The following SLC39A8 variants were observed in gnomAD, a reference collection of about 807,000 sequenced individuals.
SLC39A8 encodes metal cation symporter ZIP8.
A neutral mutation model predicts 40.4 loss-of-function variants in SLC39A8; 15 were observed. The observed-to-expected ratio is 0.37, with a 90% CI of 0.25 to 0.57. SLC39A8 has a LOEUF of 0.57. Ranked by LOEUF, SLC39A8 falls within the 20% of genes least tolerant of loss-of-function variation. The pLI is 0.75. For synonymous variants in SLC39A8, 223 were observed against 221.6 expected, an observed-to-expected ratio of 1.01 and a Z score of -0.06; for missense variants, 472 against 558.8, an observed-to-expected ratio of 0.84 and a Z score of 1.57.
chr4:102,316,880 G>A lies in SLC39A8; in HGVS notation c.220-1050C>T, dbSNP rs138053441. ...TGAAGTTGGGGCCCTGGTCCAGTGGGATTAGTGCACTTATAAAAAGAGACA... is the reference window on the plus strand; with the variant it reads ...TGAAGTTGGGGCCCTGGTCCAGTGGAATTAGTGCACTTATAAAAAGAGACA... On this transcript the variant is annotated intron_variant, in intron 2 of 8. Transcript: ENST00000356736. Among the ~76,000 whole-genome samples the A allele has an allele frequency of 3.4e-3, 519 of 152,216 alleles. 1 individual carries two copies. Among genetic ancestry groups the A allele is most frequent in the Middle Eastern group, 0.01 (3 of 294 alleles).
At chr4:102,274,063 TCA>T (rs1480208678) in intron 6 of SLC39A8, among the ~76,000 whole-genome samples, 1 of 152,030 alleles carries the variant, frequency 6.6e-6, no homozygotes, top group Non-Finnish European at 1.5e-5. Context: ...TCACAACTCC[TCA>T]CCAGCAAGGG....
At chr4:102,279,941 T>A (rs1187408841) in intron 6 of SLC39A8, among the ~76,000 whole-genome samples, 1 of 152,176 alleles carries the variant, frequency 6.6e-6, no homozygotes, top group Non-Finnish European at 1.5e-5. Flanking sequence ...TCCCTCCAGA[T>A]CCGCTTTCCG....
intron 6 of SLC39A8, among the ~76,000 whole-genome samples, chr4:102,299,633 C>G (rs755363479): frequency 3.9e-5 from 6 of 152,074 alleles, no homozygotes; most frequent in Admixed American, 6.6e-5. Flanking sequence ...AAGAAAATCT[C>G]CCTAACATCT....
chr4:102,303,396 T>C (rs1161728505), intron 6 of SLC39A8, among the ~76,000 whole-genome samples: 2 of 151,940 alleles, frequency 1.3e-5, no homozygotes, highest in African/African-American at 4.8e-5. Context: ...GATCATCTAA[T>C]TCAAGCTGAA....
At chr4:102,273,442 C>A (rs1274457019) in intron 6 of SLC39A8, among the ~76,000 whole-genome samples, 2 of 152,216 alleles carry the variant, frequency 1.3e-5, no homozygotes, top group Non-Finnish European at 2.9e-5. Context: ...GGCAGCCGCC[C>A]CAGTGAGAAG....
At chr4:102,343,319 T>C (rs1261922274) in intron 2 of SLC39A8, among the ~76,000 whole-genome samples, 1 of 152,208 alleles carries the variant, frequency 6.6e-6, no homozygotes, top group Non-Finnish European at 1.5e-5. Flanking sequence ...ACATGGAATT[T>C]ATTTGATTAC....
chr4:102,268,527 A>C (rs961901876), intron 6 of SLC39A8, among the ~76,000 whole-genome samples: 1 of 152,254 alleles, frequency 6.6e-6, no homozygotes, highest in African/African-American at 2.4e-5. Flanking sequence ...CATTTGTTCT[A>C]ACCCCTCCTA....
At chr4:102,299,280 GT>G (rs1024902592) in intron 6 of SLC39A8, among the ~76,000 whole-genome samples, 1 of 148,574 alleles carries the variant, frequency 6.7e-6, no homozygotes, top group African/African-American at 2.5e-5. Flanking sequence ...CTTCCAGTCA[GT>G]TTTTTTTGTA....
At chr4:102,342,578 A>C (rs570091857) in intron 2 of SLC39A8, among the ~76,000 whole-genome samples, 9 of 152,250 alleles carry the variant, frequency 5.9e-5, no homozygotes. Flanking sequence ...TTTTCTTTCC[A>C]AGGTAATTAT....
chr4:102,293,495 A>T (rs564538530), intron 6 of SLC39A8, among the ~76,000 whole-genome samples: 84 of 152,130 alleles, frequency 5.5e-4, no homozygotes, highest in Non-Finnish European at 9.7e-4. Flanking sequence ...TAAACAAACA[A>T]AACAATACTG....
chr4:102,282,868 A>G (rs1732961830), intron 6 of SLC39A8, among the ~76,000 whole-genome samples: 1 of 152,194 alleles, frequency 6.6e-6, no homozygotes, highest in Non-Finnish European at 1.5e-5. Context: ...CTGGGACTAC[A>G]GGTGCGTGCC....
At chr4:102,270,961 G>A (rs964542008) in intron 6 of SLC39A8, among the ~76,000 whole-genome samples, 2 of 152,072 alleles carry the variant, frequency 1.3e-5, no homozygotes, top group African/African-American at 2.4e-5. Context: ...AAGGAAGGAG[G>A]AGAAAGTTGT....
chr4:102,319,573 C>A (rs1734814743), intron 2 of SLC39A8, among the ~76,000 whole-genome samples: 1 of 152,080 alleles, frequency 6.6e-6, no homozygotes, highest in Non-Finnish European at 1.5e-5. Context: ...TAACCAAAAT[C>A]CCCCCTACCC....
intron 6 of SLC39A8, among the ~76,000 whole-genome samples, chr4:102,302,731 C>T (rs949637505): frequency 6.6e-6 from 1 of 151,920 alleles, no homozygotes; most frequent in Non-Finnish European, 1.5e-5. Context: ...GTCATACTCT[C>T]CTAATTACAA....
At chr4:102,315,205 C>T (rs559130733) in intron 3 of SLC39A8, among the ~76,000 whole-genome samples, 34 of 152,128 alleles carry the variant, frequency 2.2e-4, no homozygotes, top group African/African-American at 7.5e-4. Flanking sequence ...TTTCTTTCAC[C>T]TATGAAAATT....
intron 6 of SLC39A8, among the ~76,000 whole-genome samples, chr4:102,293,677 C>A (rs968092506): frequency 6.6e-6 from 1 of 151,812 alleles, no homozygotes; most frequent in Admixed American, 6.6e-5. Flanking sequence ...AAAAATATTT[C>A]TAATATAGTA....
intron 6 of SLC39A8, among the ~76,000 whole-genome samples, chr4:102,270,696 G>A (rs1375505822): frequency 6.6e-6 from 1 of 152,138 alleles, no homozygotes. Flanking sequence ...GCTTGGCTGT[G>A]AGAAGAATTA....
chr4:102,314,125 G>A (rs1182081896), intron 3 of SLC39A8, among the ~76,000 whole-genome samples: 1 of 151,902 alleles, frequency 6.6e-6, no homozygotes, highest in Admixed American at 6.6e-5. Context: ...ATGGTATAAC[G>A]ATCTCTCCGG....
At chr4:102,335,533 G>A (rs568085467) in intron 2 of SLC39A8, among the ~76,000 whole-genome samples, 9 of 152,192 alleles carry the variant, frequency 5.9e-5, no homozygotes, top group South Asian at 2.1e-4. Flanking sequence ...ATTTAAAACC[G>A]CAATTCTATC....
Sources: allele counts gnomAD v4.1 joint callset (sites outside exome capture counted in the v4.1 genomes callset), GRCh38; gene constraint gnomAD v4.1.1; transcripts MANE v1.5; gene names NCBI Gene and HGNC (gene_info 2026-07-23, HGNC 2026-07-21).